SEC23A: variants seen among roughly 807,000 people sequenced by gnomAD.
The protein encoded by SEC23A is protein transport protein Sec23A.
A neutral mutation model predicts 103.7 loss-of-function variants in SEC23A; 56 were observed. The ratio of observed to expected loss-of-function variants is 0.54; its 90% CI spans 0.44 to 0.67. The LOEUF (loss-of-function observed/expected upper bound fraction) is 0.67. Among genes scored for constraint, SEC23A ranks in the 30% least tolerant of loss-of-function variants. The pLI is 0.00. For synonymous variants in SEC23A, 281 were observed against 293.0 expected (o/e 0.96, Z 0.42); for missense variants, 784 against 936.4 (o/e 0.84, Z 2.12).
intron 7 of SEC23A, among the ~76,000 whole-genome samples, chr14:39,082,532 CAACCTT>C (rs898620213): frequency 2.0e-5 from 3 of 152,022 alleles, no homozygotes; most frequent in African/African-American, 7.2e-5. Context: ...GTGACAAAAA[CAACCTT>C]AACCAAGTAA....
In SEC23A at chr14:39,032,465, T is replaced by C. The variant is rs1290220371; in HGVS notation, c.*774A>G. The C allele has an allele frequency of 6.6e-6, 1 of 152,626 alleles. No individual in the cohort carries two copies. Among genetic ancestry groups the C allele is most frequent in the Non-Finnish European group, 1.5e-5 (1 of 68,022 alleles). 9.5% of individuals were successfully genotyped at this position (152,626 alleles called of 1,614,324 possible). ...GCTGTGAAAACTAAATTTGGTTTAG[T>C]AGTTACAACCGTCATTTTACTGCAA... On this transcript the variant is annotated 3_prime_UTR_variant, in exon 20 of 20. Transcript: ENST00000307712.
chr14:39,068,244 G>C (rs1469225742), intron 9 of SEC23A, among the ~76,000 whole-genome samples: 1 of 151,824 alleles, frequency 6.6e-6, no homozygotes, highest in Non-Finnish European at 1.5e-5. Flanking sequence ...TATTATGTTG[G>C]TGAGGCTATG....
At chr14:39,097,154 G>A (rs921446745) in intron 1 of SEC23A, among the ~76,000 whole-genome samples, 1 of 152,164 alleles carries the variant, frequency 6.6e-6, no homozygotes, top group Non-Finnish European at 1.5e-5. Context: ...CTAACCAAGG[G>A]AAGAGGATGC....
At chr14:39,050,909 G>A (rs2139204340) in intron 14 of SEC23A, among the ~76,000 whole-genome samples, 1 of 152,328 alleles carries the variant, frequency 6.6e-6, no homozygotes, top group Middle Eastern at 3.4e-3. Context: ...AATCATGTGT[G>A]GATACCAGTA....
At chr14:39,084,496 T>G (rs1887357794) in intron 7 of SEC23A, among the ~76,000 whole-genome samples, 1 of 152,214 alleles carries the variant, frequency 6.6e-6, no homozygotes, top group South Asian at 2.1e-4. Context: ...AGGAAAACAC[T>G]TCACGTAGAT....
chr14:39,094,437 TATA>T, intron 2 of SEC23A, among the ~76,000 whole-genome samples: 2 of 25,704 alleles, frequency 7.8e-5, no homozygotes, highest in African/African-American at 4.2e-4. Context: ...TATATATATA[TATA>T]TATTTTTTTT....
intron 13 of SEC23A, among the ~76,000 whole-genome samples, chr14:39,055,813 T>C (rs1383654879): frequency 6.6e-6 from 1 of 152,228 alleles, no homozygotes; most frequent in African/African-American, 2.4e-5. Context: ...CAAATTTTCC[T>C]TTCTCTTACG....
In SEC23A at chr14:39,061,771, GCAATGGTGGTCA is replaced by G; in HGVS notation, c.1487_1498del (p.Val496_Ile499del). On this transcript the variant is annotated inframe_deletion, in exon 13 of 20. Coordinates refer to ENST00000307712, the MANE Select transcript of SEC23A (RefSeq NM_006364.4). ...TCTAACAAATACAACTTACTTCCTAGCAATGGTGGTCACTCGGATGCGTCTCTGCCCACTTGA... is the reference window on the plus strand; with the variant it reads ...TCTAACAAATACAACTTACTTCCTAGCTCGGATGCGTCTCTGCCCACTTGA... The G allele has an allele frequency of 6.2e-7, 1 of 1,605,888 alleles. No homozygotes were observed. The highest frequency in any genetic ancestry group is 8.5e-7 in the Non-Finnish European group (1 of 1,172,542).
intron 7 of SEC23A, among the ~76,000 whole-genome samples, chr14:39,085,016 G>C (rs1395994771): frequency 6.6e-6 from 1 of 152,184 alleles, no homozygotes; most frequent in African/African-American, 2.4e-5. Context: ...GCTTCAAGAT[G>C]GGGGCTGGTC....
At chr14:39,093,111 C>G in intron 3 of SEC23A, 76 bp downstream of exon 3, 1 of 1,177,922 alleles carries the variant, frequency 8.5e-7, no homozygotes, top group Non-Finnish European at 1.2e-6. Context: ...TCGTGATCCA[C>G]CCGCCTCGGC....
chr14:39,045,054 G>C, intron 16 of SEC23A, 109 bp downstream of exon 16: 2 of 931,314 alleles, frequency 2.1e-6, no homozygotes, highest in Non-Finnish European at 3.4e-6. Flanking sequence ...CATTCTTTTA[G>C]TTAAATTCTT....
At chr14:39,044,769 A>G (rs1250223702) in intron 16 of SEC23A, among the ~76,000 whole-genome samples, 1 of 152,234 alleles carries the variant, frequency 6.6e-6, no homozygotes, top group East Asian at 1.9e-4. Flanking sequence ...CTTTGTTTAG[A>G]CAGAATGTCA....
intron 10 of SEC23A, among the ~76,000 whole-genome samples, chr14:39,065,728 G>A (rs367918492): frequency 8.5e-5 from 13 of 152,196 alleles, no homozygotes; most frequent in East Asian, 7.7e-4. Context: ...GCCAGGCGCG[G>A]TAGCTCACGC....
In SEC23A at chr14:39,063,352, A is replaced by G. The variant is rs1311505675; in HGVS notation, c.1370T>C (p.Leu457Ser). The change falls in exon 12 of 20, where the codon TTA becomes TCA. Residue 457 changes from leucine to serine, a missense_variant. Physicochemically the swap from Leu to Ser is moderately radical, Grantham distance 145. This residue lies in a region of SEC23A where 683 missense variants were observed against 774.2 expected (regional missense o/e 0.88). Transcript: ENST00000307712. The stretch of plus-strand genomic sequence containing the variant: ...ATTGACAACCTCAAAATATATGGCT[A>G]AGGTTGTAGTGGGACTAAGTCCACA... ...KICGLSPTTT[L>S]AIYFEVVNQH... 3 of 1,610,882 alleles carry G rather than the reference A, an allele frequency of 1.9e-6. No homozygotes were observed. The highest frequency in any genetic ancestry group is 2.5e-6 in the Non-Finnish European group (3 of 1,177,190).
At chr14:39,091,414 G>T in intron 5 of SEC23A, 63 bp downstream of exon 5, 1 of 1,176,832 alleles carries the variant, frequency 8.5e-7, no homozygotes, top group Non-Finnish European at 1.3e-6. Flanking sequence ...CATACAGAAG[G>T]CATTTATAAA....
chr14:39,093,549 C>G (rs1003316719), intron 2 of SEC23A, among the ~76,000 whole-genome samples: 2 of 152,088 alleles, frequency 1.3e-5, no homozygotes, highest in Non-Finnish European at 2.9e-5. Context: ...GGCTTGAGTC[C>G]AGGAGTTCAA....
intron 5 of SEC23A, among the ~76,000 whole-genome samples, chr14:39,090,583 A>C (rs1887625407): frequency 6.6e-6 from 1 of 152,200 alleles, no homozygotes; most frequent in African/African-American, 2.4e-5. Flanking sequence ...CTCACCAAAC[A>C]TACTAAAAGT....
intron 5 of SEC23A, 198 bp downstream of exon 5, chr14:39,091,279 A>C (rs927300383): frequency 1.7e-6 from 1 of 590,238 alleles, no homozygotes; most frequent in Admixed American, 3.0e-5. Flanking sequence ...GTTAAAAGTG[A>C]AGGGTGTTTA....
intron 14 of SEC23A, among the ~76,000 whole-genome samples, chr14:39,051,389 G>A (rs1023766329): frequency 4.6e-5 from 7 of 152,204 alleles, no homozygotes; most frequent in African/African-American, 1.7e-4. Flanking sequence ...CCCTGCTGCT[G>A]TTGTAAATGC....
Sources: gnomAD v4.1 joint callset for allele counts (sites outside exome capture counted in the v4.1 genomes callset) on GRCh38, gnomAD v4.1.1 for gene constraint, gnomAD v4.1.1 regional missense constraint, MANE v1.5 for transcripts, NCBI Gene and HGNC (gene_info 2026-07-23, HGNC 2026-07-21) for gene names.